The following CLIC5 variants were observed in gnomAD, a reference collection of about 807,000 sequenced individuals.
The protein encoded by CLIC5 is CLIC family member 5, also known as chloride intracellular channel protein 5.
A neutral mutation model predicts 24.7 loss-of-function variants in CLIC5; 20 were observed. That is an observed-to-expected ratio of 0.81 (90% confidence interval 0.57 to 1.18). The LOEUF (loss-of-function observed/expected upper bound fraction) is 1.18. Among genes scored for constraint, CLIC5 ranks in the 50% most tolerant of loss-of-function variants. CLIC5 has a pLI of 0.00. For synonymous variants in CLIC5, 159 were observed against 135.6 expected, an observed-to-expected ratio of 1.17 and a Z score of -1.20; for missense variants, 341 against 326.1, an observed-to-expected ratio of 1.05 and a Z score of -0.35.
At chr6:46,069,381 A>G (rs1418220432) in intron 1 of CLIC5, among the ~76,000 whole-genome samples, 2 of 152,132 alleles carry the variant, frequency 1.3e-5, no homozygotes, top group East Asian at 3.9e-4. Flanking sequence ...AAGGGATATT[A>G]TCACTGACTC....
At chr6:46,081,003 T>C (rs1206745465), upstream of CLIC5, among the ~76,000 whole-genome samples, 1 of 152,220 alleles carries the variant, frequency 6.6e-6, no homozygotes, top group African/African-American at 2.4e-5. Context: ...AATCCTATCA[T>C]ATACAGAATG....
rs576329132 is a variant in CLIC5, at chr6:46,071,491, AT to A, written c.540+8211del. On this transcript the variant is annotated intron_variant, in intron 1 of 5. Transcript: ENST00000185206. The stretch of plus-strand genomic sequence containing the variant: ...CCAACAACCATATGAAAAAAAGCTT[AT>A]CGCTAATTATTAGAGAAATACAAAT... Among the ~76,000 whole-genome samples, 469 of 152,326 alleles carry A rather than the reference AT, an allele frequency of 3.1e-3. 4 individuals carry two copies. The highest frequency in any genetic ancestry group is 0.011 in the African/African-American group (449 of 41,570).
chr6:45,912,856 G>A, intron 5 of CLIC5: 1 of 721,098 alleles, frequency 1.4e-6, no homozygotes, highest in Non-Finnish European at 2.4e-6. Flanking sequence ...AATCCAAAAT[G>A]TTCTTTTCTA....
chr6:46,066,645 C>T (rs1039023131), intron 1 of CLIC5, among the ~76,000 whole-genome samples: 1 of 152,134 alleles, frequency 6.6e-6, no homozygotes, highest in South Asian at 2.1e-4. Flanking sequence ...TAAGATGTAG[C>T]TGGAAAGTGC....
chr6:45,897,404 T>C (rs1259044237), downstream of CLIC5, among the ~76,000 whole-genome samples: 1 of 151,888 alleles, frequency 6.6e-6, no homozygotes, highest in African/African-American at 2.4e-5. Flanking sequence ...GCTCCAGTCA[T>C]CTGAGGGTGG....
chr6:45,987,332 G>A (rs1031401321), intron 1 of CLIC5, among the ~76,000 whole-genome samples: 1 of 152,170 alleles, frequency 6.6e-6, no homozygotes, highest in African/African-American at 2.4e-5. Flanking sequence ...GCACACCTAA[G>A]CTCTATCTCT....
intron 1 of CLIC5, among the ~76,000 whole-genome samples, chr6:46,031,812 A>G (rs1156813081): frequency 1.3e-5 from 2 of 150,956 alleles, no homozygotes; most frequent in Non-Finnish European, 2.9e-5. Flanking sequence ...AAAAAATCAA[A>G]CTATGAAAGA....
intron 1 of CLIC5, among the ~76,000 whole-genome samples, chr6:45,958,732 T>C (rs1446477589): frequency 6.6e-6 from 1 of 151,920 alleles, no homozygotes; most frequent in Non-Finnish European, 1.5e-5. Context: ...GCCTTTCATG[T>C]GAGCTCTCTC....
chr6:46,108,401 T>TGTGTGTGTGTGAGA, the CLIC5 span, among the ~76,000 whole-genome samples: 2 of 141,670 alleles, frequency 1.4e-5, no homozygotes, highest in African/African-American at 5.3e-5. Context: ...TGTGTGTGTG[T>TGTGTGTGTGTGAGA]GAGAGAGAGA....
intron 2 of CLIC5, among the ~76,000 whole-genome samples, chr6:45,951,927 A>G (rs1318263002): frequency 1.3e-5 from 2 of 152,152 alleles, no homozygotes; most frequent in Non-Finnish European, 2.9e-5. Flanking sequence ...GGCACTTGGA[A>G]CTCAGACAAC....
At chr6:46,082,963 G>T (rs948316582), upstream of CLIC5, among the ~76,000 whole-genome samples, 1 of 152,158 alleles carries the variant, frequency 6.6e-6, no homozygotes, top group South Asian at 2.1e-4. Context: ...CAAGTACCTA[G>T]AACAGTGTCT....
chr6:46,074,881 A>C (rs1261183181), intron 1 of CLIC5, among the ~76,000 whole-genome samples: 1 of 152,232 alleles, frequency 6.6e-6, no homozygotes, highest in African/African-American at 2.4e-5. Context: ...GGGACATTTT[A>C]TGCAAAAGTA....
At chr6:45,938,291 C>T (rs947881652) in intron 4 of CLIC5, among the ~76,000 whole-genome samples, 19 of 152,330 alleles carry the variant, frequency 1.2e-4, no homozygotes, top group African/African-American at 4.3e-4. Context: ...ACACAGGAGC[C>T]ATGCTGCTCT....
chr6:45,923,837 A>G (rs1763368255), intron 4 of CLIC5, among the ~76,000 whole-genome samples: 1 of 152,250 alleles, frequency 6.6e-6, no homozygotes. Flanking sequence ...TCAAGAGCAC[A>G]GATCATGGGA....
intron 1 of CLIC5, among the ~76,000 whole-genome samples, chr6:45,987,854 C>T (rs557859925): frequency 1.3e-5 from 2 of 152,304 alleles, no homozygotes; most frequent in South Asian, 4.1e-4. Context: ...AGCACTATCT[C>T]CAGATACAGT....
At chr6:45,938,872 G>A (rs994271843) in intron 4 of CLIC5, among the ~76,000 whole-genome samples, 2 of 152,154 alleles carry the variant, frequency 1.3e-5, no homozygotes, top group African/African-American at 4.8e-5. Context: ...ACGAGGGTTC[G>A]AGAGCCAGCT....
intron 1 of CLIC5, among the ~76,000 whole-genome samples, chr6:45,973,818 T>C (rs1477874038): frequency 3.3e-5 from 5 of 151,860 alleles, no homozygotes; most frequent in African/African-American, 1.2e-4. Flanking sequence ...TAGTCTCAGC[T>C]ACTTGGGAGG....
At chr6:45,898,050 T>C (rs1246364516), downstream of CLIC5, among the ~76,000 whole-genome samples, 1 of 152,168 alleles carries the variant, frequency 6.6e-6, no homozygotes, top group Non-Finnish European at 1.5e-5. Context: ...CTTTTCCATT[T>C]GCTTTTGATT....
At chr6:46,106,656 T>G in the CLIC5 span, among the ~76,000 whole-genome samples, 4 of 152,200 alleles carry the variant, frequency 2.6e-5, no homozygotes, top group Non-Finnish European at 4.4e-5. Context: ...GTTTCTAAAT[T>G]TCCTCTAGGC....
Sources: gnomAD v4.1 joint callset for allele counts (sites outside exome capture counted in the v4.1 genomes callset) on GRCh38, gnomAD v4.1.1 for gene constraint, MANE v1.5 for transcripts, NCBI Gene and HGNC (gene_info 2026-07-23, HGNC 2026-07-21) for gene names.